Variants in NAALADL2 observed in about 807,000 individuals in gnomAD.
The protein encoded by NAALADL2 is N-acetylated alpha-linked acidic dipeptidase like 2.
In NAALADL2, 76 loss-of-function variants were observed where a neutral mutation model predicts 87.2. That is an observed-to-expected ratio of 0.87 (90% CI 0.72 to 1.05). The LOEUF is 1.05. Among genes scored for constraint, NAALADL2 ranks in the 50% least tolerant of loss-of-function variants. NAALADL2 has a pLI of 0.00. For synonymous variants in NAALADL2, 354 were observed against 331.0 expected, an observed-to-expected ratio of 1.07 and a Z score of -0.75; for missense variants, 1,089 against 945.8, an observed-to-expected ratio of 1.15 and a Z score of -1.99.
chr3:175,323,155 G>A (rs1760149982), intron 4 of NAALADL2, among the ~76,000 whole-genome samples: 1 of 149,060 alleles, frequency 6.7e-6, no homozygotes, highest in East Asian at 2.0e-4. Context: ...ATACTATGCA[G>A]CCATAAAAAA....
At chr3:175,116,573 A>G (rs1725211823) in intron 2 of NAALADL2, among the ~76,000 whole-genome samples, 1 of 151,948 alleles carries the variant, frequency 6.6e-6, no homozygotes, top group South Asian at 2.1e-4. Context: ...ACTGCTCAAC[A>G]AAATAAAAGA....
intron 7 of NAALADL2, among the ~76,000 whole-genome samples, 165 bp from the exon 8 acceptor site, chr3:175,466,814 A>C (rs1314670320): frequency 6.6e-6 from 1 of 151,466 alleles, no homozygotes; most frequent in Admixed American, 6.6e-5. Flanking sequence ...ATATACACAG[A>C]TGTGTGAATT....
intron 13 of NAALADL2, among the ~76,000 whole-genome samples, chr3:175,782,858 A>C (rs1751346828): frequency 6.8e-6 from 1 of 148,074 alleles, no homozygotes; most frequent in Non-Finnish European, 1.5e-5. Context: ...TTAAGTCTTT[A>C]ATCCATCTTG....
chr3:174,661,492 CAT>C (rs766967235), intron 2 of NAALADL2, among the ~76,000 whole-genome samples: 46 of 152,102 alleles, frequency 3.0e-4, no homozygotes, highest in Non-Finnish European at 5.7e-4. Context: ...CTAAAAAGGA[CAT>C]ATGTAAATAT....
chr3:174,833,588 CAAAT>C (rs1380678468), intron 3 of NAALADL2, among the ~76,000 whole-genome samples: 4 of 151,868 alleles, frequency 2.6e-5, no homozygotes, highest in Admixed American at 6.6e-5. Flanking sequence ...TAAAACTAGA[CAAAT>C]AAAAAACTTC....
At position 175,354,994 on chromosome 3, in the gene NAALADL2, T is replaced by C. The variant is rs138603165; in HGVS notation, c.1090+30669T>C. Among the ~76,000 whole-genome samples the C allele has an allele frequency of 3.4e-3, 500 of 148,732 alleles. 8 individuals are homozygous for C. Among genetic ancestry groups the C allele is most frequent in the African/African-American group, 0.012 (477 of 40,704 alleles). Reference sequence around the variant, plus strand: ...TTTAAATATATAATTTTTCCAATTTTATTTATATATATAATTGCTATATAT... The same window carrying C: ...TTTAAATATATAATTTTTCCAATTTCATTTATATATATAATTGCTATATAT... On this transcript the variant is annotated intron_variant, in intron 5 of 13. Coordinates refer to ENST00000454872, the MANE Select transcript of NAALADL2 (RefSeq NM_207015.3).
At chr3:175,069,695 A>G (rs968019475) in intron 1 of NAALADL2, among the ~76,000 whole-genome samples, 2 of 152,030 alleles carry the variant, frequency 1.3e-5, no homozygotes, top group Non-Finnish European at 2.9e-5. Flanking sequence ...TCATACTGCT[A>G]TAAAGACACA....
At chr3:174,533,238 C>T (rs1430829129) in intron 1 of NAALADL2, among the ~76,000 whole-genome samples, 1 of 151,714 alleles carries the variant, frequency 6.6e-6, no homozygotes. Flanking sequence ...TTCAGGTGTG[C>T]TCTCATGGCG....
At chr3:175,371,658 C>G (rs1042264890) in intron 5 of NAALADL2, among the ~76,000 whole-genome samples, 3 of 151,604 alleles carry the variant, frequency 2.0e-5, no homozygotes, top group African/African-American at 7.3e-5. Context: ...AATCCCGTCT[C>G]TACTAAAAAT....
In NAALADL2 at chr3:174,632,063, G is replaced by A. The variant is rs547330713; in HGVS notation, c.-115+81426G>A. ...ATAATTTATTCAAAGATATAAATCTGTAGAACAAAATAGACAACCTTTGGT... is the reference window on the plus strand; with the variant it reads ...ATAATTTATTCAAAGATATAAATCTATAGAACAAAATAGACAACCTTTGGT... On this transcript the variant is annotated intron_variant, in intron 2 of 3. Transcript: ENST00000434257. 4 of 152,318 alleles carry A rather than the reference G, an allele frequency of 2.6e-5. No homozygotes were observed. The South Asian group carries it at 8.3e-4, about 32-fold the overall frequency. The allele number at this position is 152,318 out of a possible 1,614,324, so 9.4% of individuals were successfully genotyped here.
intron 2 of NAALADL2, among the ~76,000 whole-genome samples, chr3:174,681,781 C>T (rs559369): frequency 0.75 from 113,999 of 152,058 alleles, 42,946 homozygotes; most frequent in East Asian, 0.9. Flanking sequence ...TAGGACATTG[C>T]CTTCCAGCTT....
chr3:174,687,302 CT>C (rs1728139260), intron 2 of NAALADL2, among the ~76,000 whole-genome samples: 1 of 152,092 alleles, frequency 6.6e-6, no homozygotes, highest in Non-Finnish European at 1.5e-5. Context: ...CTATGCTTCC[CT>C]TAACACCTTG....
intron 2 of NAALADL2, among the ~76,000 whole-genome samples, chr3:174,612,594 A>G (rs1284541977): frequency 6.6e-6 from 1 of 152,126 alleles, no homozygotes; most frequent in East Asian, 1.9e-4. Flanking sequence ...GCATTCTTCC[A>G]TATTTGAATT....
At chr3:174,720,431 G>A (rs1014000795) in intron 2 of NAALADL2, among the ~76,000 whole-genome samples, 10 of 151,930 alleles carry the variant, frequency 6.6e-5, no homozygotes, top group African/African-American at 2.2e-4. Flanking sequence ...TACATTATAT[G>A]ATAGCTATAT....
At chr3:175,536,916 A>G (rs554339091) in intron 9 of NAALADL2, among the ~76,000 whole-genome samples, 1 of 152,328 alleles carries the variant, frequency 6.6e-6, no homozygotes, top group South Asian at 2.1e-4. Flanking sequence ...CGGGAGGCGG[A>G]GCTTGCAATG....
chr3:174,672,285 C>G (rs543715860), intron 2 of NAALADL2, among the ~76,000 whole-genome samples: 1 of 152,048 alleles, frequency 6.6e-6, no homozygotes, highest in Admixed American at 6.6e-5. Context: ...GAAACAAATT[C>G]GTGTTTGGCT....
intron 1 of NAALADL2, among the ~76,000 whole-genome samples, chr3:174,485,406 C>G (rs1271734654): frequency 2.5e-5 from 3 of 119,650 alleles, no homozygotes; most frequent in Admixed American, 1.9e-4. Flanking sequence ...GGTATTAAGC[C>G]TAGTACCCAT....
At chr3:174,949,432 G>A (rs898398294) in intron 1 of NAALADL2, among the ~76,000 whole-genome samples, 8 of 152,176 alleles carry the variant, frequency 5.3e-5, no homozygotes, top group African/African-American at 1.9e-4. Context: ...TTAGTAGGTA[G>A]AGTGTCAAAG....
At chr3:175,118,314 G>T (rs576348060) in intron 2 of NAALADL2, among the ~76,000 whole-genome samples, 1 of 151,514 alleles carries the variant, frequency 6.6e-6, no homozygotes, top group African/African-American at 2.4e-5. Flanking sequence ...TCTAAGTCTC[G>T]ATAGTAGCAA....
Sources: allele counts gnomAD v4.1 joint callset (sites outside exome capture counted in the v4.1 genomes callset), GRCh38; gene constraint gnomAD v4.1.1; transcripts MANE v1.5; gene names NCBI Gene and HGNC (gene_info 2026-07-23, HGNC 2026-07-21).